ESRRB: variants seen among roughly 807,000 people sequenced by gnomAD.
ESRRB encodes the protein estrogen related receptor beta, also known as steroid hormone receptor ERR2.
ESRRB carries 16 observed loss-of-function variants against 46.0 expected under a neutral mutation model. That is an observed-to-expected ratio of 0.35 (90% CI 0.24 to 0.53). ESRRB has a LOEUF of 0.53. Among genes scored for constraint, ESRRB ranks in the 20% least tolerant of loss-of-function variants. The pLI is 0.93. For synonymous variants in ESRRB, 246 were observed against 259.6 expected (o/e 0.95, Z 0.50); for missense variants, 488 against 607.4 (o/e 0.80, Z 2.07).
rs72731689 is a variant in ESRRB, at chr14:76,499,808, G to A, written c.*1350G>A. The A allele has an allele frequency of 0.025, 37,054 of 1,479,416 alleles. 618 individuals are homozygous for A. Among genetic ancestry groups the A allele is most frequent in the South Asian group, 0.04 (3,569 of 88,212 alleles). The allele number at this position is 1,479,416 out of a possible 1,614,324, so 91.6% of individuals were successfully genotyped here. ...GGTCACTCTATTTCTGTGGATGGCC[G>A]TGAAAGTTTTCACTAACTCAAGGGG... On this transcript the variant is annotated 3_prime_UTR_variant, in exon 7 of 7. Coordinates refer to ENST00000644823, the MANE Select transcript of ESRRB (RefSeq NM_001379180.1).
At position 76,433,961 on chromosome 14, in the gene ESRRB, CA is replaced by C. The variant is rs1420720528; in HGVS notation, c.51-5379del. Among the ~76,000 whole-genome samples, 55 of 123,656 alleles carry C rather than the reference CA, an allele frequency of 4.4e-4. 1 individual carries two copies. In the South Asian group the frequency reaches 0.012, roughly 27 times the overall value. 81.1% of individuals were successfully genotyped at this position (123,656 alleles called of 152,430 possible). A position where few individuals can be genotyped will look rare whatever the true frequency, so the allele number is the denominator to read the frequency against. ...CTTCTTTCCCTCTGTCCTGCCTTTA[CA>C]TTTTTTTTTTTTTTTTTTGAGACGG... On this transcript the variant is annotated intron_variant, in intron 1 of 6. Transcript: ENST00000644823.
chr14:76,359,567 A>C (rs1884439058), intron 1 of ESRRB, among the ~76,000 whole-genome samples: 1 of 152,192 alleles, frequency 6.6e-6, no homozygotes, highest in Non-Finnish European at 1.5e-5. Flanking sequence ...CACAGCCGAT[A>C]CATGGGGGAG....
chr14:76,370,377 G>A (rs371140732), upstream of ESRRB, among the ~76,000 whole-genome samples: 16 of 151,646 alleles, frequency 1.1e-4, no homozygotes, highest in East Asian at 7.8e-4. Flanking sequence ...CAGTCTGGGC[G>A]ACAAGAGTGA....
intron 3 of ESRRB, among the ~76,000 whole-genome samples, chr14:76,479,480 C>A (rs1889722158): frequency 2.0e-5 from 3 of 152,170 alleles, no homozygotes; most frequent in Non-Finnish European, 4.4e-5. Context: ...GAGAAGTCAA[C>A]AACAAATGTC....
chr14:76,432,454 T>C (rs914609146), intron 1 of ESRRB, among the ~76,000 whole-genome samples: 13 of 152,118 alleles, frequency 8.5e-5, no homozygotes, highest in African/African-American at 2.9e-4. Context: ...TATTGCAAAC[T>C]TCCCTCCTTC....
At chr14:76,369,356 C>A (rs1194803119), upstream of ESRRB, among the ~76,000 whole-genome samples, 3 of 150,750 alleles carry the variant, frequency 2.0e-5, no homozygotes, top group East Asian at 2.0e-4. Context: ...CTCACTGCAA[C>A]CTTTGCCTCC....
intron 3 of ESRRB, among the ~76,000 whole-genome samples, chr14:76,479,748 C>T (rs965323469): frequency 2.0e-5 from 3 of 152,188 alleles, no homozygotes; most frequent in African/African-American, 7.2e-5. Flanking sequence ...GCCTGTGTCA[C>T]GGGTCCATGC....
intron 3 of ESRRB, among the ~76,000 whole-genome samples, chr14:76,475,584 C>T (rs1889549999): frequency 6.6e-6 from 1 of 152,148 alleles, no homozygotes; most frequent in Admixed American, 6.5e-5. Context: ...GGGTTGTTTC[C>T]ACCTTTTGGC....
chr14:76,387,988 G>A (rs1050470082), intron 1 of ESRRB, among the ~76,000 whole-genome samples: 2 of 152,096 alleles, frequency 1.3e-5, no homozygotes, highest in African/African-American at 4.8e-5. Context: ...CTAGGAAGTA[G>A]GTATTATTAT....
At chr14:76,391,693 C>T (rs763990444) in intron 1 of ESRRB, among the ~76,000 whole-genome samples, 2 of 152,214 alleles carry the variant, frequency 1.3e-5, no homozygotes. Context: ...CATGGAGGAG[C>T]CTTCAGTAAA....
intron 1 of ESRRB, among the ~76,000 whole-genome samples, chr14:76,412,145 G>A (rs2139864663): frequency 6.6e-6 from 1 of 152,188 alleles, no homozygotes; most frequent in African/African-American, 2.4e-5. Context: ...TGTGCTGCGG[G>A]GCACACAAAG....
At chr14:76,374,528 A>G (rs1470348707), upstream of ESRRB, among the ~76,000 whole-genome samples, 2 of 152,134 alleles carry the variant, frequency 1.3e-5, no homozygotes, top group Admixed American at 6.5e-5. Context: ...ACAACGGGAC[A>G]TTGGATGTGC....
chr14:76,398,757 A>C (rs141285886), intron 1 of ESRRB, among the ~76,000 whole-genome samples: 1 of 152,232 alleles, frequency 6.6e-6, no homozygotes, highest in African/African-American at 2.4e-5. Context: ...GTGAGGTAGA[A>C]GCTCTTCTGC....
chr14:76,405,458 C>T (rs8012921), intron 1 of ESRRB, among the ~76,000 whole-genome samples: 23,632 of 151,986 alleles, frequency 0.16, 2,992 homozygotes, highest in African/African-American at 0.33. Flanking sequence ...GCAGATGAAC[C>T]GATAATGGGA....
chr14:76,419,299 G>T (rs996392151), intron 1 of ESRRB, among the ~76,000 whole-genome samples: 3 of 152,182 alleles, frequency 2.0e-5, no homozygotes, highest in Admixed American at 2.0e-4. Flanking sequence ...ACAGGAGTGA[G>T]CCACCGCACA....
chr14:76,476,691 A>G (rs1595157003), intron 3 of ESRRB, among the ~76,000 whole-genome samples: 1 of 151,342 alleles, frequency 6.6e-6, no homozygotes, highest in Middle Eastern at 3.4e-3. Context: ...AAGCCTGGAG[A>G]TGCGCAGCTG....
At chr14:76,466,936 A>C (rs1778113898) in intron 3 of ESRRB, among the ~76,000 whole-genome samples, 1 of 151,762 alleles carries the variant, frequency 6.6e-6, no homozygotes, top group Non-Finnish European at 1.5e-5. Flanking sequence ...GTTGGCCAGG[A>C]TGGTCTCAGT....
chr14:76,328,768 C>A (rs149757496), intron 1 of ESRRB, among the ~76,000 whole-genome samples: 3 of 152,270 alleles, frequency 2.0e-5, no homozygotes, highest in Admixed American at 1.3e-4. Flanking sequence ...GACATCATCT[C>A]CCCTGCTCTG....
chr14:76,331,388 G>A (rs1444931696), intron 1 of ESRRB, among the ~76,000 whole-genome samples: 2 of 152,186 alleles, frequency 1.3e-5, no homozygotes, highest in Non-Finnish European at 2.9e-5. Flanking sequence ...GATGATAAAA[G>A]TAGCTGCCTC....
Sources: gnomAD v4.1 joint callset for allele counts (sites outside exome capture counted in the v4.1 genomes callset) on GRCh38, gnomAD v4.1.1 for gene constraint, MANE v1.5 for transcripts, NCBI Gene and HGNC (gene_info 2026-07-23, HGNC 2026-07-21) for gene names.